Variants in RAB15 observed in about 807,000 individuals in gnomAD.
RAB15 encodes ras-related protein Rab-15.
RAB15 carries 13 observed loss-of-function variants against 31.8 expected under a neutral mutation model. That is an observed-to-expected ratio of 0.41 (90% CI 0.27 to 0.65). The LOEUF (loss-of-function observed/expected upper bound fraction) is 0.65. Ranked by LOEUF, RAB15 falls within the 30% of genes least tolerant of loss-of-function variation. The probability of loss-of-function intolerance (pLI) is 0.32; values close to 1 mark genes in which losing one functional copy is unlikely to be tolerated. For missense variants in RAB15, 220 were observed against 277.3 expected, an observed-to-expected ratio of 0.79 and a Z score of 1.47; for synonymous variants, 100 against 105.6, an observed-to-expected ratio of 0.95 and a Z score of 0.33.
intron 1 of RAB15, among the ~76,000 whole-genome samples, chr14:64,967,580 A>C (rs925828810): frequency 3.4e-5 from 4 of 118,006 alleles, no homozygotes; most frequent in African/African-American, 1.9e-4. Context: ...AGTGAAACCT[A>C]GTCTCAAAAA....
chr14:64,948,091 G>GGCA lies in RAB15; in HGVS notation c.*260_*262dup, dbSNP rs1886013963. The GGCA allele has an allele frequency of 2.4e-6, 1 of 410,148 alleles. No homozygotes were observed. The highest frequency in any genetic ancestry group is 4.3e-6 in the Non-Finnish European group (1 of 232,730). The allele number at this position is 410,148 out of a possible 1,614,324, so 25.4% of individuals were successfully genotyped here. On this transcript the variant is annotated 3_prime_UTR_variant, in exon 7 of 7. Transcript: ENST00000533601. The surrounding 1 kb of genome is among the most constrained non-coding windows in gnomAD (Gnocchi z 7.0). ...TGCGGGATGGTGAGACAGTGCTTGC[G>GGCA]GCACATCGTGGGGGTCGTAGCAGGC...
chr14:64,953,134 C>A lies in RAB15; in HGVS notation c.125-563G>T, dbSNP rs551923107. The stretch of plus-strand genomic sequence containing the variant: ...GGCTCACCAAAAAGAAGGCCTCATG[C>A]GTCTTGGTTGCTGACTCACTCATTC... On this transcript the variant is annotated intron_variant, in intron 1 of 6. Transcript: ENST00000533601. The surrounding 1 kb of genome is among the most constrained non-coding windows in gnomAD (Gnocchi z 4.6). Among the ~76,000 whole-genome samples, 16 of 152,186 alleles carry A rather than the reference C, an allele frequency of 1.1e-4. No individual in the cohort carries two copies. Among genetic ancestry groups the A allele is most frequent in the Non-Finnish European group, 2.2e-4 (15 of 68,036 alleles).
chr14:64,956,575 C>T (rs1886581386), intron 1 of RAB15, among the ~76,000 whole-genome samples: 1 of 152,070 alleles, frequency 6.6e-6, no homozygotes, highest in African/African-American at 2.4e-5. Flanking sequence ...AGTTTGAGAA[C>T]GACATTAGGA....
At chr14:64,967,936 T>C (rs1766739695) in intron 1 of RAB15, among the ~76,000 whole-genome samples, 2 of 152,178 alleles carry the variant, frequency 1.3e-5, no homozygotes, top group African/African-American at 4.8e-5. Context: ...CTAGTCTCCC[T>C]GCTTCAAGTC....
chr14:64,969,287 C>A (rs896999693), intron 1 of RAB15, among the ~76,000 whole-genome samples: 2 of 152,200 alleles, frequency 1.3e-5, no homozygotes, highest in African/African-American at 4.8e-5. Context: ...TGGTAGCACT[C>A]ATTTCGTTGG....
At position 64,970,141 on chromosome 14, in the gene RAB15, A is replaced by C. The variant is rs1887347004; in HGVS notation, c.124+1812T>G. ...TGCAAACAACAGCTCTTCAGGCCAAAGCCAGGGCCTCCCAGGCAGCCCACA... is the reference window on the plus strand; with the variant it reads ...TGCAAACAACAGCTCTTCAGGCCAACGCCAGGGCCTCCCAGGCAGCCCACA... On this transcript the variant is annotated intron_variant, in intron 1 of 6. Transcript: ENST00000533601. The surrounding 1 kb of genome is among the most constrained non-coding windows in gnomAD (Gnocchi z 4.1). Among the ~76,000 whole-genome samples the C allele has an allele frequency of 6.6e-6, 1 of 152,216 alleles. No individual in the cohort carries two copies. Among genetic ancestry groups the C allele is most frequent in the African/African-American group, 2.4e-5 (1 of 41,444 alleles).
At chr14:64,959,550 C>T (rs564923362) in intron 1 of RAB15, among the ~76,000 whole-genome samples, 1 of 152,252 alleles carries the variant, frequency 6.6e-6, no homozygotes, top group African/African-American at 2.4e-5. Context: ...CATAAAGAAG[C>T]AATTCCAAAA....
At position 64,954,320 on chromosome 14, in the gene RAB15, G is replaced by T. The variant is rs146719495; in HGVS notation, c.125-1749C>A. 425 of 985,378 alleles carry T rather than the reference G, an allele frequency of 4.3e-4. 4 individuals are homozygous for T. The African/African-American group carries it at 6.9e-3, about 16-fold the overall frequency. The allele number at this position is 985,378 out of a possible 1,614,324, so 61.0% of individuals were successfully genotyped here. On this transcript the variant is annotated intron_variant, in intron 1 of 6. Coordinates refer to ENST00000533601, the MANE Select transcript of RAB15 (RefSeq NM_001308154.2). This position sits in a 1 kb window ranked among gnomAD's most constrained non-coding sequence, Gnocchi z 4.3. The stretch of plus-strand genomic sequence containing the variant: ...TATGCTTATTTCTGCCTGGATCAAC[G>T]GTTATCAGGCACCTGTTTCTCCCCA...
Position 64,971,882 on chromosome 14 carries a change from TG to T in RAB15, c.124+70del. 6 of 1,411,372 alleles carry T rather than the reference TG, an allele frequency of 4.3e-6. No homozygotes were observed. The highest frequency in any genetic ancestry group is 5.8e-6 in the Non-Finnish European group (6 of 1,042,046). 87.4% of individuals were successfully genotyped at this position (1,411,372 alleles called of 1,614,324 possible). A position where few individuals can be genotyped will look rare whatever the true frequency, so the allele number is the denominator to read the frequency against. ...GAGGGGCTGGCAATTCCTCCCCAGC[TG>T]GGGACGGGGGCGGCGGGGAAAGGGG... is the stretch of plus-strand genomic sequence containing the variant. On this transcript the variant is annotated intron_variant, in intron 1 of 6. Coordinates refer to ENST00000533601, the MANE Select transcript of RAB15 (RefSeq NM_001308154.2). The surrounding 1 kb of genome is among the most constrained non-coding windows in gnomAD (Gnocchi z 4.1).
At chr14:64,956,538 T>C (rs1441465587) in intron 1 of RAB15, among the ~76,000 whole-genome samples, 1 of 152,022 alleles carries the variant, frequency 6.6e-6, no homozygotes, top group Non-Finnish European at 1.5e-5. Flanking sequence ...TTCAATAAGC[T>C]CTCACAGTGA....
Position 64,950,882 on chromosome 14 carries a change from CTG to C in RAB15, c.324+190_324+191del. The C allele has an allele frequency of 3.5e-6, 4 of 1,127,178 alleles. No individual in the cohort carries two copies. The highest frequency in any genetic ancestry group is 1.4e-5 in the South Asian group (1 of 70,650). 69.8% of individuals were successfully genotyped at this position (1,127,178 alleles called of 1,614,324 possible). On this transcript the variant is annotated intron_variant, in intron 4 of 6. Transcript: ENST00000533601. The surrounding 1 kb of genome is among the most constrained non-coding windows in gnomAD (Gnocchi z 5.6). ...CCGGGAAAGACACAGCCGTGGAGGC[CTG>C]GCAGGGTATAGAGAGTGAGGGCATG...
rs1472425231 is a variant in RAB15 at position 64,948,172 on chromosome 14, CAG to C, written c.*180_*181del. 1.1e-4 allele frequency: 65 copies of C among 596,422 alleles called. No individual in the cohort carries two copies. The highest frequency in any genetic ancestry group is 4.6e-4 in the Middle Eastern group (1 of 2,190). 36.9% of individuals were successfully genotyped at this position (596,422 alleles called of 1,614,324 possible). On this transcript the variant is annotated 3_prime_UTR_variant, in exon 7 of 7. Coordinates refer to ENST00000533601, the MANE Select transcript of RAB15 (RefSeq NM_001308154.2). This position sits in a 1 kb window ranked among gnomAD's most constrained non-coding sequence, Gnocchi z 7.0. ...CACTCCAGGGTGGACGGGCTGGGGA[CAG>C]GGGCTGCTTGAGATGACAGCAGAGC...
In RAB15 at chr14:64,958,421, C is replaced by CT. The variant is rs1886691927; in HGVS notation, c.125-5851_125-5850insA. Among the ~76,000 whole-genome samples the CT allele has an allele frequency of 1.3e-5, 2 of 152,316 alleles. No homozygotes were observed. Among genetic ancestry groups the CT allele is most frequent in the African/African-American group, 4.8e-5 (2 of 41,572 alleles). ...AGGTGCCACCTTTGTCACAGAGCATCAGCCTTCACCAGACACTGAATCTGC... is the reference window on the plus strand; with the variant it reads ...AGGTGCCACCTTTGTCACAGAGCATCTAGCCTTCACCAGACACTGAATCTGC... On this transcript the variant is annotated intron_variant, in intron 1 of 6. Transcript: ENST00000533601. This position sits in a 1 kb window ranked among gnomAD's most constrained non-coding sequence, Gnocchi z 4.4.
rs992511286 is a variant in RAB15, at chr14:64,951,992, C to T, written c.186-329G>A. Among the ~76,000 whole-genome samples the T allele has an allele frequency of 6.6e-6, 1 of 152,088 alleles. No individual in the cohort carries two copies. The highest frequency in any genetic ancestry group is 2.4e-5 in the African/African-American group (1 of 41,382). On this transcript the variant is annotated intron_variant, in intron 2 of 6. Transcript: ENST00000533601. This position sits in a 1 kb window ranked among gnomAD's most constrained non-coding sequence, Gnocchi z 7.2. ...GAGTTGGCAGGGGATGCTGCTACAC[C>T]CCTAGTCCCTATGGGACCTCTGAAG... is the stretch of plus-strand genomic sequence containing the variant.
chr14:64,956,691 TAAAAC>T (rs979092375), intron 1 of RAB15, among the ~76,000 whole-genome samples: 6 of 152,268 alleles, frequency 3.9e-5, no homozygotes, highest in Non-Finnish European at 5.9e-5. Flanking sequence ...TGGGGTGACT[TAAAAC>T]AAAGACAAAA....
Position 64,953,165 on chromosome 14 carries a change from A to G in RAB15, c.125-594T>C, listed in dbSNP as rs755134572. On this transcript the variant is annotated intron_variant, in intron 1 of 6. Transcript: ENST00000533601. The surrounding 1 kb of genome is among the most constrained non-coding windows in gnomAD (Gnocchi z 4.6). ...GGTTGCTGACTCACTCATTCACCAT[A>G]GGAGGCACTGTGGTTGACTAGAAGG... Among the ~76,000 whole-genome samples the G allele has an allele frequency of 1.5e-4, 23 of 152,214 alleles. No homozygotes were observed. Among genetic ancestry groups the G allele is most frequent in the Non-Finnish European group, 2.5e-4 (17 of 68,042 alleles).
intron 1 of RAB15, among the ~76,000 whole-genome samples, chr14:64,966,563 G>C (rs1328343277): frequency 6.6e-6 from 1 of 151,802 alleles, no homozygotes; most frequent in Non-Finnish European, 1.5e-5. Context: ...TAATAATAAT[G>C]ATAATATGAT....
At chr14:64,960,641 CAG>C (rs1886806814) in intron 1 of RAB15, among the ~76,000 whole-genome samples, 1 of 152,092 alleles carries the variant, frequency 6.6e-6, no homozygotes, top group African/African-American at 2.4e-5. Context: ...ACCCATAACA[CAG>C]GGTCTGGCAC....
Position 64,953,450 on chromosome 14 carries a change from C to T in RAB15, c.125-879G>A, listed in dbSNP as rs556563594. 6.6e-6 allele frequency among the ~76,000 whole-genome samples: 1 copy of T among 152,076 alleles called. No homozygotes were observed. Among genetic ancestry groups the T allele is most frequent in the South Asian group, 2.1e-4 (1 of 4,820 alleles). ...GTGCTTATGAGTGACTGTCATAGGACCAGATGAAGAGGCAGTGGCATGGCA... is the reference window on the plus strand; with the variant it reads ...GTGCTTATGAGTGACTGTCATAGGATCAGATGAAGAGGCAGTGGCATGGCA... On this transcript the variant is annotated intron_variant, in intron 1 of 6. Coordinates refer to ENST00000533601, the MANE Select transcript of RAB15 (RefSeq NM_001308154.2). This position sits in a 1 kb window ranked among gnomAD's most constrained non-coding sequence, Gnocchi z 4.6.
Sources: gnomAD v4.1 joint callset for allele counts (sites outside exome capture counted in the v4.1 genomes callset) on GRCh38, gnomAD v4.1.1 for gene constraint, Gnocchi (gnomAD v3.1) non-coding constraint, MANE v1.5 for transcripts, NCBI Gene and HGNC (gene_info 2026-07-23, HGNC 2026-07-21) for gene names.